Variants in STK33 observed in about 807,000 individuals in gnomAD.
STK33 encodes the protein serine/threonine-protein kinase 33.
Under a neutral mutation model 58.0 loss-of-function variants are expected in STK33, and 52 were observed. The ratio of observed to expected loss-of-function variants is 0.90; its 90% CI spans 0.72 to 1.13. The LOEUF (loss-of-function observed/expected upper bound fraction) is 1.13. Ranked by LOEUF, STK33 falls within the 50% of genes most tolerant of loss-of-function variation. The pLI, the probability that STK33 is intolerant of heterozygous loss-of-function variation, is 0.00. For synonymous variants in STK33, 215 were observed against 200.1 expected (o/e 1.07, Z -0.63); for missense variants, 630 against 604.2 (o/e 1.04, Z -0.45).
intron 1 of STK33, among the ~76,000 whole-genome samples, chr11:8,527,152 C>G (rs575061341): frequency 6.6e-6 from 1 of 151,628 alleles, no homozygotes; most frequent in South Asian, 2.1e-4. Context: ...TAGTATTTTT[C>G]ATAGGAACGG....
Position 8,545,223 on chromosome 11 carries a change from C to T in STK33, c.-466+48860G>A, listed in dbSNP as rs527752100. ...AAAACAATCAAAATAAATCCATTAC[C>T]TAGACATGCTTTCAAATCTATTTCT... On this transcript the variant is annotated intron_variant, in intron 1 of 15. Transcript: ENST00000687296. 5.3e-5 allele frequency among the ~76,000 whole-genome samples: 8 copies of T among 152,280 alleles called. No individual in the cohort carries two copies. In the East Asian group the frequency reaches 1.3e-3, roughly 26 times the overall value.
intron 15 of STK33, among the ~76,000 whole-genome samples, chr11:8,405,167 T>C (rs966873242): frequency 6.6e-6 from 1 of 152,176 alleles, no homozygotes. Flanking sequence ...CCAAACTATA[T>C]TCTGAAAGAA....
intron 14 of STK33, among the ~76,000 whole-genome samples, chr11:8,417,512 T>C (rs1237459450): frequency 6.6e-6 from 1 of 152,190 alleles, no homozygotes; most frequent in East Asian, 1.9e-4. Context: ...TTAAAATAAA[T>C]GAATGAATAA....
chr11:8,397,576 C>T (rs1487124299), intron 15 of STK33, among the ~76,000 whole-genome samples: 2 of 152,170 alleles, frequency 1.3e-5, no homozygotes, highest in African/African-American at 4.8e-5. Flanking sequence ...CAAAGGAATA[C>T]AGCTTCTCAC....
At chr11:8,513,501 T>C (rs754901368) in intron 1 of STK33, among the ~76,000 whole-genome samples, 6 of 152,230 alleles carry the variant, frequency 3.9e-5, no homozygotes, top group South Asian at 4.1e-4. Flanking sequence ...ATAAGTCTGA[T>C]TGTAAAAATT....
chr11:8,572,104 G>A, intron 1 of STK33, among the ~76,000 whole-genome samples: 2 of 151,292 alleles, frequency 1.3e-5, no homozygotes. Flanking sequence ...GGCTCGTGTT[G>A]GGGGTGGGAG....
At chr11:8,341,618 C>G in the STK33 span, among the ~76,000 whole-genome samples, 1 of 152,206 alleles carries the variant, frequency 6.6e-6, no homozygotes, top group Non-Finnish European at 1.5e-5. Flanking sequence ...GGCATTTAGC[C>G]TGCCCCAGAG....
intron 1 of STK33, among the ~76,000 whole-genome samples, chr11:8,540,617 C>T (rs574838839): frequency 4.0e-4 from 61 of 152,130 alleles, no homozygotes; most frequent in African/African-American, 1.3e-3. Flanking sequence ...AGATATTATG[C>T]TAAGTGAAAA....
At chr11:8,494,450 C>A (rs151254624) in intron 1 of STK33, among the ~76,000 whole-genome samples, 2,093 of 152,206 alleles carry the variant, frequency 0.014, 13 homozygotes, top group Middle Eastern at 0.024. Context: ...AAGGAGGACA[C>A]AAACAAATGG....
intron 15 of STK33, among the ~76,000 whole-genome samples, chr11:8,411,985 AAG>A (rs1200183036): frequency 6.6e-6 from 1 of 152,130 alleles, no homozygotes; most frequent in Non-Finnish European, 1.5e-5. Context: ...GGGAGGGGAA[AAG>A]TGTGACACGG....
intron 2 of STK33, among the ~76,000 whole-genome samples, chr11:8,479,057 C>T (rs774480759): frequency 6.6e-6 from 1 of 152,012 alleles, no homozygotes; most frequent in Non-Finnish European, 1.5e-5. Flanking sequence ...CATGATGTTC[C>T]TCACTGATTA....
chr11:8,523,478 G>C (rs1953705546), intron 1 of STK33, among the ~76,000 whole-genome samples: 1 of 150,056 alleles, frequency 6.7e-6, no homozygotes, highest in South Asian at 2.1e-4. Context: ...CCTCCACCCG[G>C]CGGCCGCCCT....
In STK33 at chr11:8,405,068, G is replaced by A. The variant is rs552249946; in HGVS notation, c.1344+8427C>T. Among the ~76,000 whole-genome samples the A allele has an allele frequency of 2.0e-4, 30 of 152,306 alleles. 1 individual carries two copies. The highest frequency in any genetic ancestry group is 5.3e-4 in the African/African-American group (22 of 41,562). On this transcript the variant is annotated intron_variant, in intron 15 of 15. Transcript: ENST00000687296. ...CAGGAATTGCTTGAACCCAGGAAGC[G>A]GAGGTTGCAGTGAGCTGAGATTGCG... is the stretch of plus-strand genomic sequence containing the variant.
downstream of STK33, among the ~76,000 whole-genome samples, chr11:8,390,412 G>A (rs1469830796): frequency 6.6e-6 from 1 of 152,188 alleles, no homozygotes; most frequent in Non-Finnish European, 1.5e-5. Flanking sequence ...AATCTGAAAT[G>A]GAAGAGCGCC....
chr11:8,494,632 T>C (rs1198371430), intron 1 of STK33, among the ~76,000 whole-genome samples: 1 of 152,062 alleles, frequency 6.6e-6, no homozygotes, highest in African/African-American at 2.4e-5. Flanking sequence ...GAGCCCACAT[T>C]GCCAAGACAA....
At chr11:8,569,595 G>A (rs1023973018) in intron 1 of STK33, among the ~76,000 whole-genome samples, 1 of 152,158 alleles carries the variant, frequency 6.6e-6, no homozygotes, top group Admixed American at 6.5e-5. Flanking sequence ...TTAGCCATAA[G>A]AGAAAAACTG....
rs961961213 is a variant in STK33, at chr11:8,529,521, T to C, written c.-465-48907A>G. Reference sequence around the variant, plus strand: ...TAATAATGCCTCCCTCCCCCTAAGATATCCAAAAAGCTCACCCTCTGACCC... The same window carrying C: ...TAATAATGCCTCCCTCCCCCTAAGACATCCAAAAAGCTCACCCTCTGACCC... On this transcript the variant is annotated intron_variant, in intron 1 of 15. Coordinates refer to ENST00000687296, the MANE Select transcript of STK33 (RefSeq NM_001352389.2). 2.0e-5 allele frequency among the ~76,000 whole-genome samples: 3 copies of C among 152,058 alleles called. No individual in the cohort carries two copies. In the East Asian group the frequency reaches 5.8e-4, roughly 29 times the overall value.
At chr11:8,502,180 G>GT (rs1951564816) in intron 1 of STK33, among the ~76,000 whole-genome samples, 1 of 151,854 alleles carries the variant, frequency 6.6e-6, no homozygotes, top group Admixed American at 6.6e-5. Context: ...AAATTAAGTC[G>GT]TCCCTAAAAA....
At position 8,508,092 on chromosome 11, in the gene STK33, T is replaced by C. The variant is rs1952007659; in HGVS notation, c.-465-27478A>G. 2.0e-5 allele frequency among the ~76,000 whole-genome samples: 3 copies of C among 152,036 alleles called. No homozygotes were observed. The South Asian group carries it at 6.2e-4, about 32-fold the overall frequency. ...TTTTAGTAGAGACGGGTTTTCACCATGTTAGCCAGGCTGGTCTTAAACTCC... is the reference window on the plus strand; with the variant it reads ...TTTTAGTAGAGACGGGTTTTCACCACGTTAGCCAGGCTGGTCTTAAACTCC... On this transcript the variant is annotated intron_variant, in intron 1 of 15. Transcript: ENST00000687296.
Sources: allele counts gnomAD v4.1 joint callset (sites outside exome capture counted in the v4.1 genomes callset), GRCh38; gene constraint gnomAD v4.1.1; transcripts MANE v1.5; gene names NCBI Gene and HGNC (gene_info 2026-07-23, HGNC 2026-07-21).